SMG5: variants seen among roughly 807,000 people sequenced by gnomAD.
SMG5 encodes the protein nonsense-mediated mRNA decay factor SMG5.
SMG5 carries 53 observed loss-of-function variants against 122.9 expected under a neutral mutation model. The ratio of observed to expected loss-of-function variants is 0.43; its 90% CI spans 0.35 to 0.54. SMG5 has a LOEUF of 0.54. SMG5 is among the 20% of genes least tolerant of loss of function. SMG5 has a pLI of 0.01. For synonymous variants in SMG5, 477 were observed against 490.2 expected, an observed-to-expected ratio of 0.97 and a Z score of 0.35; for missense variants, 1,153 against 1,285.6, an observed-to-expected ratio of 0.90 and a Z score of 1.58.
At chr1:156,267,188 G>A (rs1266395033) in intron 10 of SMG5, among the ~76,000 whole-genome samples, 1 of 152,186 alleles carries the variant, frequency 6.6e-6, no homozygotes, top group Non-Finnish European at 1.5e-5. Flanking sequence ...TGATCACTAA[G>A]TACCCTGACC....
intron 9 of SMG5, 84 bp from the exon 10 acceptor site, chr1:156,267,762 G>A (rs1222546183): frequency 8.1e-7 from 1 of 1,236,806 alleles, no homozygotes; most frequent in African/African-American, 1.5e-5. Context: ...TTCAGAGAAA[G>A]GACTATGGGA....
intron 2 of SMG5, 89 bp from the exon 3 acceptor site, chr1:156,278,137 C>T (rs1459046924): frequency 1.3e-6 from 2 of 1,510,720 alleles, no homozygotes; most frequent in Non-Finnish European, 1.8e-6. Context: ...GTGCCAACAC[C>T]CCCACCAACA....
At chr1:156,254,638 T>C (rs1198233029) in intron 16 of SMG5, among the ~76,000 whole-genome samples, 2 of 152,038 alleles carry the variant, frequency 1.3e-5, no homozygotes, top group South Asian at 2.1e-4. Context: ...GAGACTGGGT[T>C]TCACCATATT....
intron 19 of SMG5, 88 bp downstream of exon 19, chr1:156,252,326 C>T (rs1661388008): frequency 8.0e-7 from 1 of 1,248,434 alleles, no homozygotes; most frequent in South Asian, 1.2e-5. Context: ...ATGTGTCTTA[C>T]CCATAGGGAG....
Position 156,253,076 on chromosome 1 carries a change from G to A in SMG5, c.2505C>T (p.Leu835=), listed in dbSNP as rs774705506. 14 of 1,599,842 alleles carry A rather than the reference G, an allele frequency of 8.8e-6. No homozygotes were observed. Among genetic ancestry groups the A allele is most frequent in the Admixed American group, 1.7e-5 (1 of 58,242 alleles). ...GGCTGCCCTCCAGCTGAGACACTTC[G>A]AGCTGGTGAGAGAGGGCAAGGTGGG... ...MRDMAQLRLQ[L]EVSQLEGSLQ... Residue 835 remains leucine (L), a splice_region_variant and synonymous_variant, in exon 18 of 22, where the codon CTC becomes CTT. Transcript: ENST00000361813.
In SMG5 at chr1:156,250,392, G is replaced by A. The variant is rs920541856; in HGVS notation, c.*195C>T. The A allele has an allele frequency of 6.6e-6, 4 of 610,534 alleles. No homozygotes were observed. Among genetic ancestry groups the A allele is most frequent in the Admixed American group, 2.9e-5 (1 of 35,038 alleles). The allele number at this position is 610,534 out of a possible 1,614,324, so 37.8% of individuals were successfully genotyped here. ...CAAGCACTTTCCTCGCTTTCCTAAC[G>A]TCTTGGCAACAAAGGGACCCCACCC... On this transcript the variant is annotated 3_prime_UTR_variant, in exon 22 of 22. Transcript: ENST00000361813.
At chr1:156,291,409 C>CA in the SMG5 span, 2 of 1,614,100 alleles carry the variant, frequency 1.2e-6, no homozygotes, top group South Asian at 2.2e-5. Context: ...TGACCTTTGC[C>CA]GTGGGCCGCT....
At chr1:156,269,831 C>T (rs1004409929) in intron 7 of SMG5, among the ~76,000 whole-genome samples, 2 of 152,046 alleles carry the variant, frequency 1.3e-5, no homozygotes, top group African/African-American at 2.4e-5. Flanking sequence ...GCTGAGATCG[C>T]GCCACTGCAC....
At chr1:156,261,285 G>A in intron 14 of SMG5, 48 bp downstream of exon 14, 19 of 1,572,136 alleles carry the variant, frequency 1.2e-5, no homozygotes, top group Non-Finnish European at 1.7e-5. Flanking sequence ...GCTTAGTGGG[G>A]ACAATGAGAG....
chr1:156,277,130 G>A lies in SMG5; in HGVS notation c.409C>T (p.Leu137=). ...LYIQSHYQLE[L]QCCIDWTHVT... is the part of the protein sequence containing the mutation. ...TGGGTCCAGTCGATGCAGCACTGCA[G>A]TTCCAGCTGGTAGTGGGACTGGATA... is the stretch of plus-strand genomic sequence containing the variant. The change falls in exon 4 of 22, where the codon CTG becomes TTG. Residue 137 remains leucine, a synonymous_variant. Coordinates refer to ENST00000361813, the MANE Select transcript of SMG5 (RefSeq NM_015327.3). 6.2e-7 allele frequency: 1 copy of A among 1,613,996 alleles called. No homozygotes were observed. The highest frequency in any genetic ancestry group is 8.5e-7 in the Non-Finnish European group (1 of 1,179,938).
chr1:156,288,154 C>T, the SMG5 span, among the ~76,000 whole-genome samples: 3 of 148,482 alleles, frequency 2.0e-5, no homozygotes, highest in Admixed American at 6.7e-5. Flanking sequence ...GCCGAGATAG[C>T]GCCACTGCAG....
rs200526488 is a variant in SMG5, at chr1:156,278,153, C to T, written c.174-105G>A. 1.3e-5 allele frequency: 19 copies of T among 1,435,086 alleles called. No homozygotes were observed. The East Asian group carries it at 1.4e-4, about 11-fold the overall frequency. The allele number at this position is 1,435,086 out of a possible 1,614,324, so 88.9% of individuals were successfully genotyped here. On this transcript the variant is annotated intron_variant, in intron 2 of 21. Transcript: ENST00000361813. ...TGCCAACACCCCCACCAACAAATCT[C>T]GGTGCTTCCCAAGAGACATGCAGGG...
intron 20 of SMG5, 35 bp downstream of exon 20, chr1:156,251,368 G>A (rs759855672): frequency 6.2e-7 from 1 of 1,609,696 alleles, no homozygotes; most frequent in Non-Finnish European, 8.5e-7. Flanking sequence ...AAGGCAGGTG[G>A]CCTGAGGTTC....
In SMG5 at chr1:156,271,652, C is replaced by A. The variant is rs1304257750; in HGVS notation, c.713+668G>T. ...GCAGTGGCATGATCTCGGCTCACTG[C>A]AACCTCTGCCTCCTGGGTTCAAGTG... On this transcript the variant is annotated intron_variant, in intron 7 of 21. Coordinates refer to ENST00000361813, the MANE Select transcript of SMG5 (RefSeq NM_015327.3). Among the ~76,000 whole-genome samples, 8 of 105,728 alleles carry A rather than the reference C, an allele frequency of 7.6e-5. No individual in the cohort carries two copies. The Admixed American group carries it at 1.0e-3, about 14-fold the overall frequency. The allele number at this position is 105,728 out of a possible 152,430, so 69.4% of individuals were successfully genotyped here.
chr1:156,282,983 T>A (rs1312706025), upstream of SMG5: 13 of 510,412 alleles, frequency 2.5e-5, no homozygotes, highest in Non-Finnish European at 4.1e-5. Context: ...TCCAAACCCT[T>A]GCGAAAAACT....
upstream of SMG5, among the ~76,000 whole-genome samples, chr1:156,287,606 C>CTTTT (rs745468403): frequency 1.5e-4 from 11 of 72,656 alleles, no homozygotes; most frequent in African/African-American, 2.0e-4. Context: ...TTACTCTCCA[C>CTTTT]TTTTTTTTTT....
upstream of SMG5, among the ~76,000 whole-genome samples, chr1:156,286,917 G>C (rs549482658): frequency 3.9e-5 from 6 of 152,216 alleles, no homozygotes; most frequent in Non-Finnish European, 8.8e-5. Context: ...GAGGTCAGGA[G>C]TTCGAGACCA....
upstream of SMG5, chr1:156,285,478 C>G: frequency 6.2e-7 from 1 of 1,614,116 alleles, no homozygotes; most frequent in Non-Finnish European, 8.5e-7. Flanking sequence ...GCCCTCAGCC[C>G]AGTGCTCCGT....
At chr1:156,285,150 G>A (rs894716393), upstream of SMG5, 7 of 1,488,266 alleles carry the variant, frequency 4.7e-6, no homozygotes, top group Non-Finnish European at 6.3e-6. Flanking sequence ...AGAAGACAGG[G>A]GTTTCTGACA....
Sources: gnomAD v4.1 joint callset for allele counts (sites outside exome capture counted in the v4.1 genomes callset) on GRCh38, gnomAD v4.1.1 for gene constraint, MANE v1.5 for transcripts, NCBI Gene and HGNC (gene_info 2026-07-23, HGNC 2026-07-21) for gene names.